The following ATAT1 variants were observed in gnomAD, a reference collection of about 807,000 sequenced individuals.
ATAT1 encodes alpha-tubulin N-acetyltransferase 1.
A neutral mutation model predicts 57.2 loss-of-function variants in ATAT1; 42 were observed. The ratio of observed to expected loss-of-function variants is 0.73; its 90% CI spans 0.57 to 0.95. ATAT1 has a LOEUF of 0.95. Ranked by LOEUF, ATAT1 falls within the 40% of genes least tolerant of loss-of-function variation. The pLI, the probability that ATAT1 is intolerant of heterozygous loss-of-function variation, is 0.00. For synonymous variants in ATAT1, 168 were observed against 187.1 expected, an observed-to-expected ratio of 0.90 and a Z score of 0.83; for missense variants, 454 against 523.7, an observed-to-expected ratio of 0.87 and a Z score of 1.30.
At chr6:30,643,466 T>A in intron 10 of ATAT1, 1 of 1,546,900 alleles carries the variant, frequency 6.5e-7, no homozygotes, top group Non-Finnish European at 8.7e-7. Context: ...TCTCTGTTTT[T>A]CTCTCCCCCG....
At chr6:30,630,153 C>CA (rs1473151104) in intron 6 of ATAT1, among the ~76,000 whole-genome samples, 5 of 151,812 alleles carry the variant, frequency 3.3e-5, no homozygotes. Flanking sequence ...TCTGTCTCTA[C>CA]AAAAAATACA....
intron 6 of ATAT1, among the ~76,000 whole-genome samples, chr6:30,636,043 C>T (rs1234235736): frequency 6.6e-6 from 1 of 151,894 alleles, no homozygotes; most frequent in African/African-American, 2.4e-5. Flanking sequence ...GCGGCGGGGG[C>T]GTTGAGATTT....
intron 10 of ATAT1, 78 bp from the exon 11 acceptor site, chr6:30,645,817 C>T: frequency 9.7e-7 from 1 of 1,035,820 alleles, no homozygotes; most frequent in Non-Finnish European, 1.4e-6. Flanking sequence ...TCCTTTTACT[C>T]CTCTCCTCTG....
intron 6 of ATAT1, among the ~76,000 whole-genome samples, chr6:30,635,247 A>G (rs1763814318): frequency 6.6e-6 from 1 of 152,226 alleles, no homozygotes; most frequent in Non-Finnish European, 1.5e-5. Context: ...AGCAACAAAA[A>G]GAAGTTAAGG....
At chr6:30,641,138 A>AC (rs1765349404) in intron 8 of ATAT1, among the ~76,000 whole-genome samples, 2 of 138,206 alleles carry the variant, frequency 1.4e-5, no homozygotes, top group Admixed American at 7.3e-5. Flanking sequence ...CACACACACA[A>AC]ACACACTTAC....
chr6:30,634,311 T>G (rs1386902284), intron 6 of ATAT1, among the ~76,000 whole-genome samples: 1 of 151,970 alleles, frequency 6.6e-6, no homozygotes, highest in Non-Finnish European at 1.5e-5. Context: ...AGTGCAGTGG[T>G]GCGATCTTGG....
intron 9 of ATAT1, 56 bp downstream of exon 9, chr6:30,642,303 A>G (rs1765620505): frequency 1.2e-6 from 2 of 1,608,348 alleles, no homozygotes; most frequent in Non-Finnish European, 1.7e-6. Context: ...ACAAGGGAAG[A>G]GAATGCTCAG....
rs1384625652 is a variant in ATAT1 at position 30,642,212 on chromosome 6, G to A, written c.653G>A (p.Gly218Glu). 6.2e-7 allele frequency: 1 copy of A among 1,614,180 alleles called. No homozygotes were observed. Among genetic ancestry groups the A allele is most frequent in the Non-Finnish European group, 8.5e-7 (1 of 1,180,034 alleles). ...AAGCTGCCACCCAAGAGAGCAGAGGGAGACATCAAGCCATACTCCTCTAGT... is the reference window on the plus strand; with the variant it reads ...AAGCTGCCACCCAAGAGAGCAGAGGAAGACATCAAGCCATACTCCTCTAGT... Residue 218 changes from glycine (G) to glutamate (E), a missense_variant, in exon 9 of 13, where the codon GGA becomes GAA. Gly to Glu is a moderately conservative substitution (Grantham distance 98). Around this residue, in one of 3 missense-constraint regions of ATAT1, gnomAD observed 236 missense variants for 284.5 expected, o/e 0.83. Coordinates refer to ENST00000330083, the MANE Select transcript of ATAT1 (RefSeq NM_001031722.4).
Position 30,642,833 on chromosome 6 carries a change from G to GGGGGGGGCCCCCCCCCCCCCCCC in ATAT1, c.754_755insGGGGGGGCCCCCCCCCCCCCCCC (p.Ala252GlyfsTer75). 5.9e-6 allele frequency: 9 copies of GGGGGGGGCCCCCCCCCCCCCCCC among 1,537,832 alleles called. No individual in the cohort carries two copies. The highest frequency in any genetic ancestry group is 1.6e-5 in the African/African-American group (1 of 61,252). On this transcript the variant is annotated frameshift_variant, in exon 10 of 13. Transcript: ENST00000330083. LOFTEE classifies it high-confidence loss of function. ...GGCCCCTCGCCGCGCCACACCTCCA[G>GGGGGGGGCCCCCCCCCCCCCCCC]CCCACCCACCCCCCCGCTCCAGCAG...
intron 6 of ATAT1, among the ~76,000 whole-genome samples, 171 bp downstream of exon 6, chr6:30,628,601 A>G (rs1277886360): frequency 6.6e-6 from 1 of 150,912 alleles, no homozygotes; most frequent in African/African-American, 2.4e-5. Flanking sequence ...CTTCTTTCTC[A>G]TCTATTTTGA....
intron 6 of ATAT1, 56 bp from the exon 7 acceptor site, chr6:30,640,321 A>G: frequency 6.3e-7 from 1 of 1,579,094 alleles, no homozygotes; most frequent in Non-Finnish European, 8.7e-7. Flanking sequence ...ATTTCTCAGA[A>G]TGTATCCCCA....
At chr6:30,641,965 T>C in intron 8 of ATAT1, 1 of 1,411,164 alleles carries the variant, frequency 7.1e-7, no homozygotes, top group Non-Finnish European at 9.2e-7. Context: ...GTGTTTGGCC[T>C]ACTCCTTCTG....
chr6:30,645,207 G>A (rs1766440781), intron 10 of ATAT1, among the ~76,000 whole-genome samples: 1 of 151,406 alleles, frequency 6.6e-6, no homozygotes, highest in Admixed American at 6.6e-5. Flanking sequence ...ATTTCCCTCT[G>A]GTCTAAGGAA....
At chr6:30,637,818 A>G (rs1199781399) in intron 6 of ATAT1, among the ~76,000 whole-genome samples, 1 of 152,048 alleles carries the variant, frequency 6.6e-6, no homozygotes, top group Admixed American at 6.6e-5. Flanking sequence ...TCTACTGAAA[A>G]TACAAAAATT....
At chr6:30,636,811 G>T (rs569275053) in intron 6 of ATAT1, among the ~76,000 whole-genome samples, 39 of 150,686 alleles carry the variant, frequency 2.6e-4, no homozygotes, top group South Asian at 2.1e-3. Context: ...GTTTTTTTTT[G>T]TTTGTTTGTT....
chr6:30,646,766 TTCAAG>T lies in ATAT1; in HGVS notation c.*127_*131del, dbSNP rs941862666. On this transcript the variant is annotated 3_prime_UTR_variant, in exon 13 of 13. Transcript: ENST00000330083. Reference sequence around the variant, plus strand: ...TCATTCATTCAGCAGGCTTATCAGATTCAAGTCATTTGTATCTTTTAACCAGACCA... The same window carrying T: ...TCATTCATTCAGCAGGCTTATCAGATTCATTTGTATCTTTTAACCAGACCA... 14 of 1,346,302 alleles carry T rather than the reference TTCAAG, an allele frequency of 1.0e-5. No individual in the cohort carries two copies. In the African/African-American group the frequency reaches 1.6e-4, roughly 16 times the overall value. The allele number at this position is 1,346,302 out of a possible 1,614,324, so 83.4% of individuals were successfully genotyped here. A position where few individuals can be genotyped will look rare whatever the true frequency, so the allele number is the denominator to read the frequency against.
In ATAT1 at chr6:30,642,833, G is replaced by GGGGCGGCCCCCCCCCCCCCCCCCCCC; in HGVS notation, c.754_755insGGGCGGCCCCCCCCCCCCCCCCCCCC (p.Ala252GlyfsTer76). The GGGGCGGCCCCCCCCCCCCCCCCCCCC allele has an allele frequency of 6.5e-7, 1 of 1,537,876 alleles. No individual in the cohort carries two copies. The stretch of plus-strand genomic sequence containing the variant: ...GGCCCCTCGCCGCGCCACACCTCCA[G>GGGGCGGCCCCCCCCCCCCCCCCCCCC]CCCACCCACCCCCCCGCTCCAGCAG... On this transcript the variant is annotated frameshift_variant, in exon 10 of 13. Transcript: ENST00000330083. LOFTEE classifies it high-confidence loss of function.
chr6:30,646,458 C>T lies in ATAT1; in HGVS notation c.1056-11C>T, dbSNP rs1481861273. On this transcript the variant is annotated splice_polypyrimidine_tract_variant and intron_variant, in intron 12 of 12. Transcript: ENST00000330083. ...TTCCTATAACCCACTCTCCATCTCC[C>T]CACCTACCAGGTCTGCCAGTGAGGA... 1.3e-6 allele frequency: 2 copies of T among 1,561,070 alleles called. No individual in the cohort carries two copies. The highest frequency in any genetic ancestry group is 2.3e-5 in the East Asian group (1 of 43,430).
rs567213344 is a variant in ATAT1, at chr6:30,635,990, CAG to C, written c.502-4383_502-4382del. Among the ~76,000 whole-genome samples the C allele has an allele frequency of 1.8e-3, 278 of 152,204 alleles. 2 individuals are homozygous for C. Among genetic ancestry groups the C allele is most frequent in the African/African-American group, 6.4e-3 (265 of 41,504 alleles). ...CAGTAGAGAGAAAATATTATTATGT[CAG>C]AGAAAGTGGGGAGAACTGTTGAAGT... On this transcript the variant is annotated intron_variant, in intron 6 of 12. Transcript: ENST00000330083.
Sources: allele counts gnomAD v4.1 joint callset (sites outside exome capture counted in the v4.1 genomes callset), GRCh38; gene constraint gnomAD v4.1.1; regional missense constraint gnomAD v4.1.1; transcripts MANE v1.5; gene names NCBI Gene and HGNC (gene_info 2026-07-23, HGNC 2026-07-21).